The following CLVS1 variants were observed in gnomAD, a reference collection of about 807,000 sequenced individuals.
CLVS1 encodes the protein clavesin 1, also known as clavesin-1.
In CLVS1, 10 loss-of-function variants were observed where a neutral mutation model predicts 33.1. The ratio of observed to expected loss-of-function variants is 0.30; its 90% confidence interval spans 0.19 to 0.51. The LOEUF is 0.51. Among genes scored for constraint, CLVS1 ranks in the 20% least tolerant of loss-of-function variants. The probability of loss-of-function intolerance (pLI) is 0.97; values close to 1 mark genes in which losing one functional copy is unlikely to be tolerated. For synonymous variants in CLVS1, 163 were observed against 166.1 expected (o/e 0.98, Z 0.14); for missense variants, 343 against 433.4 (o/e 0.79, Z 1.85).
At chr8:61,453,404 G>A (rs954718582) in intron 3 of CLVS1, among the ~76,000 whole-genome samples, 1 of 152,000 alleles carries the variant, frequency 6.6e-6, no homozygotes, top group African/African-American at 2.4e-5. Context: ...ATTTGGAATC[G>A]TTTTTCTTAA....
chr8:61,226,846 G>T (rs572374683), intron 2 of CLVS1, among the ~76,000 whole-genome samples: 2 of 152,290 alleles, frequency 1.3e-5, no homozygotes, highest in Non-Finnish European at 2.9e-5. Flanking sequence ...AAGGCAATGG[G>T]ATCTAAAGAG....
chr8:60,989,900 C>T, the CLVS1 span, among the ~76,000 whole-genome samples: 7 of 151,622 alleles, frequency 4.6e-5, no homozygotes, highest in African/African-American at 1.7e-4. Flanking sequence ...CCGAGGCGGG[C>T]GGATCATGAG....
At chr8:61,499,045 G>A (rs971313121) in intron 5 of CLVS1, among the ~76,000 whole-genome samples, 1 of 152,168 alleles carries the variant, frequency 6.6e-6, no homozygotes, top group African/African-American at 2.4e-5. Flanking sequence ...CAAGAGAAGA[G>A]ATCACTGCAA....
chr8:61,075,823 G>C (rs1804899793), intron 1 of CLVS1, among the ~76,000 whole-genome samples: 1 of 152,156 alleles, frequency 6.6e-6, no homozygotes, highest in African/African-American at 2.4e-5. Context: ...TTCAAGCTGA[G>C]ACTAACTTTT....
At chr8:61,208,575 T>C (rs1232518600) in intron 2 of CLVS1, among the ~76,000 whole-genome samples, 1 of 152,146 alleles carries the variant, frequency 6.6e-6, no homozygotes, top group Non-Finnish European at 1.5e-5. Context: ...ATTTACTAGA[T>C]TGACTGCACC....
At chr8:61,134,161 C>T (rs1806149189) in intron 2 of CLVS1, among the ~76,000 whole-genome samples, 1 of 152,174 alleles carries the variant, frequency 6.6e-6, no homozygotes, top group South Asian at 2.1e-4. Context: ...AGTCAGCAAA[C>T]AGAGAGACAC....
chr8:61,074,986 C>G (rs900769465), intron 1 of CLVS1, among the ~76,000 whole-genome samples: 1 of 152,106 alleles, frequency 6.6e-6, no homozygotes, highest in African/African-American at 2.4e-5. Context: ...CCTCCCCCCC[C>G]TTTTAAATGC....
Position 61,142,453 on chromosome 8 carries a change from C to A in CLVS1, c.-152+10593C>A, listed in dbSNP as rs115150495. Among the ~76,000 whole-genome samples the A allele has an allele frequency of 8.0e-3, 1,216 of 152,264 alleles. 16 individuals carry two copies. The highest frequency in any genetic ancestry group is 0.026 in the African/African-American group (1,097 of 41,528). On this transcript the variant is annotated intron_variant, in intron 2 of 2. Transcript: ENST00000522621. ...TGAAAATGGACTAATACAATTGGGA[C>A]GTTGGCCTTGCCATGAGTAAGTGGG... is the stretch of plus-strand genomic sequence containing the variant.
chr8:61,455,688 C>G (rs1342159875), intron 4 of CLVS1, among the ~76,000 whole-genome samples: 2 of 152,204 alleles, frequency 1.3e-5, no homozygotes, highest in Admixed American at 1.3e-4. Context: ...CCTCCTGGGT[C>G]AGGAACACCA....
chr8:61,397,932 G>A (rs182745574), intron 3 of CLVS1, among the ~76,000 whole-genome samples: 2 of 152,224 alleles, frequency 1.3e-5, no homozygotes, highest in African/African-American at 4.8e-5. Flanking sequence ...ATCAGAAAAT[G>A]TTAGTCACCC....
chr8:61,327,807 T>A (rs1044768241), intron 2 of CLVS1, among the ~76,000 whole-genome samples: 1 of 152,162 alleles, frequency 6.6e-6, no homozygotes, highest in Non-Finnish European at 1.5e-5. Flanking sequence ...ATTAGTAGCA[T>A]GGATTTCTCC....
chr8:61,168,502 A>G (rs1034045877), intron 2 of CLVS1, among the ~76,000 whole-genome samples: 2 of 152,226 alleles, frequency 1.3e-5, no homozygotes, highest in African/African-American at 4.8e-5. Flanking sequence ...AAATAATTAT[A>G]TTTTAGAAAA....
At chr8:61,458,206 C>T in intron 4 of CLVS1, 101 bp from the exon 5 acceptor site, 1 of 774,280 alleles carries the variant, frequency 1.3e-6, no homozygotes, top group Non-Finnish European at 2.2e-6. Flanking sequence ...TGATCACCAG[C>T]AGTGCATCCA....
At chr8:61,087,250 C>T (rs553846211) in intron 1 of CLVS1, among the ~76,000 whole-genome samples, 1 of 152,262 alleles carries the variant, frequency 6.6e-6, no homozygotes, top group Admixed American at 6.5e-5. Context: ...CAGCAGAATC[C>T]CTGTGCAGTG....
intron 1 of CLVS1, among the ~76,000 whole-genome samples, chr8:61,120,274 C>T (rs1483289227): frequency 2.0e-4 from 28 of 137,120 alleles, no homozygotes; most frequent in Non-Finnish European, 9.3e-5. Flanking sequence ...ATACATTCTT[C>T]TAAATTTTTT....
chr8:61,197,513 GTTGTTTGT>G (rs368590152), intron 2 of CLVS1, among the ~76,000 whole-genome samples: 1 of 151,536 alleles, frequency 6.6e-6, no homozygotes, highest in South Asian at 2.1e-4. Context: ...TGTTGTTGTT[GTTGTTTGT>G]TTGTTTGTTT....
At chr8:61,294,214 A>C (rs1478357414) in intron 1 of CLVS1, among the ~76,000 whole-genome samples, 2 of 152,146 alleles carry the variant, frequency 1.3e-5, no homozygotes, top group Non-Finnish European at 2.9e-5. Flanking sequence ...ACCTACTTGG[A>C]GAGCAGAGTC....
At chr8:61,275,474 G>A (rs1016644255) in intron 2 of CLVS1, among the ~76,000 whole-genome samples, 2 of 152,184 alleles carry the variant, frequency 1.3e-5, no homozygotes, top group African/African-American at 4.8e-5. Flanking sequence ...TGCATACATG[G>A]TTGTATTTAT....
intron 1 of CLVS1, among the ~76,000 whole-genome samples, chr8:61,092,766 C>A (rs1805272524): frequency 6.6e-6 from 1 of 152,206 alleles, no homozygotes; most frequent in Non-Finnish European, 1.5e-5. Context: ...ATTTTGACAT[C>A]AGCCAATGAG....
Sources: gnomAD v4.1 joint callset for allele counts (sites outside exome capture counted in the v4.1 genomes callset) on GRCh38, gnomAD v4.1.1 for gene constraint, MANE v1.5 for transcripts, NCBI Gene and HGNC (gene_info 2026-07-23, HGNC 2026-07-21) for gene names.